IQSEC3: variants seen among roughly 807,000 people sequenced by gnomAD.
IQSEC3 encodes the protein IQ motif and Sec7 domain ArfGEF 3.
A neutral mutation model predicts 105.4 loss-of-function variants in IQSEC3; 50 were observed. The observed-to-expected ratio is 0.47, with a 90% CI of 0.38 to 0.60. The LOEUF is 0.60. IQSEC3 is among the 20% of genes least tolerant of loss of function. The pLI is 0.00. For missense variants in IQSEC3, 1,415 were observed against 1,630.0 expected, an observed-to-expected ratio of 0.87 and a Z score of 2.27; for synonymous variants, 708 against 746.0, an observed-to-expected ratio of 0.95 and a Z score of 0.83.
chr12:151,430 C>G (rs140154146), intron 5 of IQSEC3, among the ~76,000 whole-genome samples: 1 of 152,304 alleles, frequency 6.6e-6, no homozygotes, highest in Non-Finnish European at 1.5e-5. Context: ...CTCTAAGATG[C>G]AGCTGGATCA....
chr12:99,243 G>T (rs145772508), intron 2 of IQSEC3, 29 bp downstream of exon 2: 5 of 1,585,808 alleles, frequency 3.2e-6, no homozygotes, highest in Admixed American at 1.7e-5. Context: ...CCTCCCTTCC[G>T]CATCCCCACC....
At chr12:143,662 GGGTGCCAGC>G (rs1555090025) in intron 5 of IQSEC3, 2 of 29,210 alleles carry the variant, frequency 6.8e-5, no homozygotes, top group East Asian at 2.7e-3. Flanking sequence ...GGCAGTGCTG[GGGTGCCAGC>G]GTTCATGCAG....
intron 2 of IQSEC3, among the ~76,000 whole-genome samples, chr12:115,478 G>A (rs964333387): frequency 5.3e-5 from 8 of 152,168 alleles, no homozygotes; most frequent in Non-Finnish European, 1.0e-4. Flanking sequence ...ACAGGGCTCC[G>A]CGAGGGAGCT....
intron 11 of IQSEC3, chr12:167,617 C>T (rs1253646321): frequency 6.6e-6 from 1 of 151,380 alleles, no homozygotes; most frequent in Non-Finnish European, 1.5e-5. Flanking sequence ...CAGTGGCTCA[C>T]ACCTGTAATC....
At chr12:136,411 C>T (rs1555086419) in intron 3 of IQSEC3, among the ~76,000 whole-genome samples, 1 of 152,106 alleles carries the variant, frequency 6.6e-6, no homozygotes, top group Non-Finnish European at 1.5e-5. Context: ...ATGGGGCACC[C>T]ATCACACCCT....
chr12:175,060 G>A lies in IQSEC3; in HGVS notation c.*27G>A. ...CTCTGCCCCACCACCCTGCTGTCCT[G>A]GGAGGGCTGGCCACTGGGGGGCCTG... On this transcript the variant is annotated 3_prime_UTR_variant, in exon 14 of 14. Coordinates refer to ENST00000538872, the MANE Select transcript of IQSEC3 (RefSeq NM_001170738.2). 1.4e-6 allele frequency: 2 copies of A among 1,479,760 alleles called. No individual in the cohort carries two copies. The highest frequency in any genetic ancestry group is 1.8e-6 in the Non-Finnish European group (2 of 1,117,974). 91.7% of individuals were successfully genotyped at this position (1,479,760 alleles called of 1,614,324 possible).
chr12:139,059 G>C lies in IQSEC3; in HGVS notation c.1696G>C (p.Ala566Pro), dbSNP rs1555088097. The C allele has an allele frequency of 2.0e-6, 3 of 1,488,250 alleles. No individual in the cohort carries two copies. Among genetic ancestry groups the C allele is most frequent in the Non-Finnish European group, 2.7e-6 (3 of 1,118,140 alleles). 92.2% of individuals were successfully genotyped at this position (1,488,250 alleles called of 1,614,324 possible). ...TGCGGCTAGTGGGGCGGCGGATGGG[G>C]CCACAGCCCCCAAAACAGAGGAGGA... ...EAAASGAADG[A>P]TAPKTEEEEE... is the part of the protein sequence containing the mutation. The change falls in exon 4 of 14, where the codon GCC becomes CCC. Residue 566 changes from alanine (A) to proline (P), a missense_variant. Coordinates refer to ENST00000538872, the MANE Select transcript of IQSEC3 (RefSeq NM_001170738.2).
At chr12:103,003 C>A (rs539579709) in intron 2 of IQSEC3, among the ~76,000 whole-genome samples, 3 of 152,232 alleles carry the variant, frequency 2.0e-5, no homozygotes, top group South Asian at 4.2e-4. Flanking sequence ...GGTGCCTCCT[C>A]CCAGCAGCCA....
At chr12:153,954 T>G (rs961680942) in intron 5 of IQSEC3, among the ~76,000 whole-genome samples, 1 of 152,104 alleles carries the variant, frequency 6.6e-6, no homozygotes, top group East Asian at 1.9e-4. Context: ...GGGTCTGGGG[T>G]GGGGTCCAGC....
chr12:149,893 C>A (rs534284756), intron 5 of IQSEC3, among the ~76,000 whole-genome samples: 1 of 152,208 alleles, frequency 6.6e-6, no homozygotes, highest in Admixed American at 6.5e-5. Context: ...GCAGACAGGG[C>A]GTCTTTGCTT....
Position 157,543 on chromosome 12 carries a change from G to A in IQSEC3, c.2292G>A (p.Met764Ile), listed in dbSNP as rs1555094788. The stretch of plus-strand genomic sequence containing the variant: ...CCCCCCACAGCCAGCGCTACTGCAT[G>A]TGCAACCCCGAAGTGGTTCAGCAGT... ...LIEAFSQRYC[M>I]CNPEVVQQFH... Residue 764 changes from methionine (M) to isoleucine (I), a missense_variant, in exon 7 of 14, where the codon ATG (methionine) becomes ATA (isoleucine). Coordinates refer to ENST00000538872, the MANE Select transcript of IQSEC3 (RefSeq NM_001170738.2). The A allele has an allele frequency of 1.2e-6, 2 of 1,613,790 alleles. No homozygotes were observed. Among genetic ancestry groups the A allele is most frequent in the Non-Finnish European group, 1.7e-6 (2 of 1,179,762 alleles).
intron 1 of IQSEC3, among the ~76,000 whole-genome samples, chr12:84,609 A>G (rs782329874): frequency 6.6e-6 from 1 of 152,298 alleles, no homozygotes; most frequent in South Asian, 2.1e-4. Context: ...CTGCATGTAT[A>G]TGTGTGTCCA....
chr12:89,576 A>G (rs1864019212), intron 1 of IQSEC3, among the ~76,000 whole-genome samples: 1 of 152,204 alleles, frequency 6.6e-6, no homozygotes, highest in South Asian at 2.1e-4. Context: ...CATTTTCATC[A>G]GCCAAGTGAC....
intron 4 of IQSEC3, chr12:139,829 A>G (rs1427756656): frequency 6.5e-6 from 1 of 153,860 alleles, no homozygotes; most frequent in Non-Finnish European, 1.4e-5. Context: ...GCCGGCTGAG[A>G]GCAGGAGAGG....
chr12:128,955 T>C (rs1865503439), intron 3 of IQSEC3, among the ~76,000 whole-genome samples: 1 of 152,234 alleles, frequency 6.6e-6, no homozygotes, highest in Non-Finnish European at 1.5e-5. Context: ...CCGTTCCTAT[T>C]TGCTGTCCCG....
At chr12:128,426 C>G (rs965329929) in intron 3 of IQSEC3, among the ~76,000 whole-genome samples, 2 of 152,040 alleles carry the variant, frequency 1.3e-5, no homozygotes, top group Non-Finnish European at 2.9e-5. Flanking sequence ...GGAACTGACT[C>G]TGCCTTAGGT....
chr12:94,293 C>T (rs994940813), intron 1 of IQSEC3, among the ~76,000 whole-genome samples: 3 of 152,170 alleles, frequency 2.0e-5, no homozygotes, highest in Non-Finnish European at 2.9e-5. Context: ...CAGGAGCCTG[C>T]CTGGGGTTTA....
At chr12:102,387 A>C (rs1236736802) in intron 2 of IQSEC3, among the ~76,000 whole-genome samples, 4 of 152,202 alleles carry the variant, frequency 2.6e-5, no homozygotes, top group Non-Finnish European at 4.4e-5. Flanking sequence ...AGCCAGCCAC[A>C]GGATCTCCCT....
rs370910614 is a variant in IQSEC3 at position 152,701 on chromosome 12, C to CCA, written c.2154-4313_2154-4312dup. On this transcript the variant is annotated intron_variant, in intron 5 of 13. Coordinates refer to ENST00000538872, the MANE Select transcript of IQSEC3 (RefSeq NM_001170738.2). This position sits in a 1 kb window ranked among gnomAD's most constrained non-coding sequence, Gnocchi z 4.8. ...TTGAGTAAGGGACCTCCCTGCCACC[C>CCA]CACACACACACAGGAGTGAAGAGAA... Among the ~76,000 whole-genome samples, 6 of 152,032 alleles carry CCA rather than the reference C, an allele frequency of 3.9e-5. No homozygotes were observed. Among genetic ancestry groups the CCA allele is most frequent in the Admixed American group, 3.3e-4 (5 of 15,274 alleles).
Sources: gnomAD v4.1 joint callset for allele counts (sites outside exome capture counted in the v4.1 genomes callset) on GRCh38, gnomAD v4.1.1 for gene constraint, Gnocchi (gnomAD v3.1) non-coding constraint, MANE v1.5 for transcripts, NCBI Gene and HGNC (gene_info 2026-07-23, HGNC 2026-07-21) for gene names.